Variants in AGBL4 observed in about 807,000 individuals in gnomAD.
AGBL4 encodes AGBL carboxypeptidase 4, also known as cytosolic carboxypeptidase 6.
A neutral mutation model predicts 66.4 loss-of-function variants in AGBL4; 58 were observed. The observed-to-expected ratio is 0.87, with a 90% CI of 0.71 to 1.09. AGBL4 has a LOEUF of 1.09. Among genes scored for constraint, AGBL4 ranks in the 50% least tolerant of loss-of-function variants. The probability of loss-of-function intolerance (pLI) is 0.00; values close to 1 mark genes in which losing one functional copy is unlikely to be tolerated. For missense variants in AGBL4, 579 were observed against 631.0 expected (o/e 0.92, Z 0.88); for synonymous variants, 234 against 222.9 (o/e 1.05, Z -0.44).
chr1:49,754,833 C>A (rs990711875), intron 2 of AGBL4, among the ~76,000 whole-genome samples: 1 of 152,184 alleles, frequency 6.6e-6, no homozygotes, highest in Admixed American at 6.5e-5. Context: ...TGGAGGACAG[C>A]AAATCCAAAA....
At chr1:49,948,136 A>T (rs1439046710) in intron 1 of AGBL4, among the ~76,000 whole-genome samples, 5 of 104,038 alleles carry the variant, frequency 4.8e-5, no homozygotes, top group East Asian at 5.3e-4. Context: ...ATATAAATAT[A>T]TGTAAATATA....
intron 6 of AGBL4, among the ~76,000 whole-genome samples, chr1:48,702,752 C>T (rs1646822184): frequency 6.6e-6 from 1 of 152,102 alleles, no homozygotes; most frequent in South Asian, 2.1e-4. Flanking sequence ...GTGCATGCTG[C>T]AGGGAAGGAG....
intron 3 of AGBL4, among the ~76,000 whole-genome samples, chr1:49,673,751 T>C (rs930874875): frequency 1.1e-4 from 16 of 152,020 alleles, no homozygotes; most frequent in Non-Finnish European, 2.9e-5. Flanking sequence ...ACAAATAAAA[T>C]GGCCTCCACC....
chr1:49,109,631 T>C (rs1038439144), intron 4 of AGBL4, among the ~76,000 whole-genome samples: 3 of 152,250 alleles, frequency 2.0e-5, no homozygotes, highest in Non-Finnish European at 4.4e-5. Context: ...TATTTTTTAC[T>C]ATTGTTAATT....
intron 8 of AGBL4, among the ~76,000 whole-genome samples, chr1:48,642,680 C>CTCCTATAT (rs1645776122): frequency 6.6e-6 from 1 of 152,038 alleles, no homozygotes; most frequent in African/African-American, 2.4e-5. Context: ...TATATAAGAA[C>CTCCTATAT]AATGATAAGG....
intron 11 of AGBL4, among the ~76,000 whole-genome samples, chr1:48,581,407 G>A (rs950124259): frequency 6.6e-6 from 1 of 152,172 alleles, no homozygotes; most frequent in Non-Finnish European, 1.5e-5. Flanking sequence ...GTGGAAACCA[G>A]TCTGCTCAGG....
chr1:48,786,882 C>T (rs867633569), intron 6 of AGBL4, among the ~76,000 whole-genome samples: 3 of 151,998 alleles, frequency 2.0e-5, no homozygotes, highest in Admixed American at 6.6e-5. Flanking sequence ...CCCAATACCC[C>T]GCAAAAGTGT....
At chr1:49,178,893 G>A (rs993254963) in intron 4 of AGBL4, among the ~76,000 whole-genome samples, 2 of 152,182 alleles carry the variant, frequency 1.3e-5, no homozygotes, top group Non-Finnish European at 2.9e-5. Context: ...CACTTGGGGT[G>A]ACTAGAGAAC....
At chr1:48,560,241 T>C (rs149142575) in intron 11 of AGBL4, among the ~76,000 whole-genome samples, 2 of 152,232 alleles carry the variant, frequency 1.3e-5, no homozygotes, top group Admixed American at 1.3e-4. Flanking sequence ...CTGGTAACTA[T>C]AGATACTGAG....
chr1:48,977,319 C>T (rs1016939585), intron 5 of AGBL4, among the ~76,000 whole-genome samples: 3 of 152,104 alleles, frequency 2.0e-5, no homozygotes, highest in Non-Finnish European at 2.9e-5. Context: ...ATATATGCCT[C>T]ATTTCCAAGA....
At chr1:49,798,463 T>G (rs1010812774) in intron 2 of AGBL4, among the ~76,000 whole-genome samples, 1 of 152,194 alleles carries the variant, frequency 6.6e-6, no homozygotes, top group Non-Finnish European at 1.5e-5. Flanking sequence ...TATCCAGTGG[T>G]ATACATCTTT....
intron 8 of AGBL4, among the ~76,000 whole-genome samples, chr1:48,649,491 A>G (rs1175384139): frequency 6.6e-6 from 1 of 152,242 alleles, no homozygotes; most frequent in Admixed American, 6.5e-5. Flanking sequence ...TATTGCTGCT[A>G]TAAACTTTAG....
At chr1:49,132,393 G>C (rs1205371484) in intron 4 of AGBL4, among the ~76,000 whole-genome samples, 2 of 152,102 alleles carry the variant, frequency 1.3e-5, no homozygotes, top group South Asian at 2.1e-4. Context: ...CTCGATCCAA[G>C]ACTCAGAGGA....
At chr1:48,981,072 G>T (rs1011686107) in intron 5 of AGBL4, among the ~76,000 whole-genome samples, 7 of 152,196 alleles carry the variant, frequency 4.6e-5, no homozygotes, top group Non-Finnish European at 7.4e-5. Context: ...GAATGTCCAA[G>T]GAGATAAAAC....
chr1:49,314,780 G>A (rs1645008692), intron 3 of AGBL4, among the ~76,000 whole-genome samples: 2 of 151,910 alleles, frequency 1.3e-5, no homozygotes, highest in Non-Finnish European at 2.9e-5. Flanking sequence ...GGTATTTCTG[G>A]TTCTAGATCC....
At chr1:48,939,673 G>C (rs915780927) in intron 5 of AGBL4, among the ~76,000 whole-genome samples, 1 of 152,144 alleles carries the variant, frequency 6.6e-6, no homozygotes, top group African/African-American at 2.4e-5. Context: ...AAGCAAATCA[G>C]CTTCTGTACC....
intron 1 of AGBL4, among the ~76,000 whole-genome samples, chr1:49,970,013 C>T (rs1657917070): frequency 6.6e-6 from 1 of 152,114 alleles, no homozygotes; most frequent in African/African-American, 2.4e-5. Context: ...GTAGTCTCTT[C>T]AATAGATAGT....
chr1:49,211,714 C>T (rs1648683697), intron 4 of AGBL4, among the ~76,000 whole-genome samples: 1 of 152,050 alleles, frequency 6.6e-6, no homozygotes, highest in South Asian at 2.1e-4. Context: ...TAGTTAACTA[C>T]TCTGCAATTT....
chr1:49,816,093 C>T (rs1645224158), intron 2 of AGBL4, among the ~76,000 whole-genome samples: 2 of 151,958 alleles, frequency 1.3e-5, no homozygotes, highest in South Asian at 2.1e-4. Context: ...TGCTATGTTG[C>T]CCAGGCTGGT....
Sources: allele counts gnomAD v4.1 joint callset (sites outside exome capture counted in the v4.1 genomes callset), GRCh38; gene constraint gnomAD v4.1.1; transcripts MANE v1.5; gene names NCBI Gene and HGNC (gene_info 2026-07-23, HGNC 2026-07-21).